Variants in AOX1 observed in about 807,000 individuals in gnomAD.
AOX1 encodes aldehyde oxidase 1, also known as aldehyde oxidase.
AOX1 carries 153 observed loss-of-function variants against 169.5 expected under a neutral mutation model. The ratio of observed to expected loss-of-function variants is 0.90; its 90% CI spans 0.79 to 1.03. The LOEUF (loss-of-function observed/expected upper bound fraction) is 1.03, where lower values mean the gene tolerates loss of function less well. Ranked by LOEUF, AOX1 falls within the 50% of genes least tolerant of loss-of-function variation. The probability of loss-of-function intolerance (pLI) is 0.00; values close to 1 mark genes in which losing one functional copy is unlikely to be tolerated. For missense variants in AOX1, 1,656 were observed against 1,663.9 expected, an observed-to-expected ratio of 1.00 and a Z score of 0.08; for synonymous variants, 562 against 581.9, an observed-to-expected ratio of 0.97 and a Z score of 0.49.
chr2:200,622,254 C>A (rs1289269613), intron 18 of AOX1, among the ~76,000 whole-genome samples: 1 of 152,200 alleles, frequency 6.6e-6, no homozygotes, highest in Non-Finnish European at 1.5e-5. Flanking sequence ...TGAGTGAGGA[C>A]CCATGTCTGA....
intron 34 of AOX1, 73 bp from the exon 35 acceptor site, chr2:200,670,556 T>C: frequency 7.5e-7 from 1 of 1,333,812 alleles, no homozygotes; most frequent in Non-Finnish European, 1.1e-6. Context: ...TAACCTACTT[T>C]ATGTTCTTCT....
intron 20 of AOX1, among the ~76,000 whole-genome samples, chr2:200,630,055 AC>A (rs1553572476): frequency 6.6e-6 from 1 of 152,026 alleles, no homozygotes; most frequent in Non-Finnish European, 1.5e-5. Flanking sequence ...AACCTGGTCA[AC>A]GTAGCAAGAT....
intron 25 of AOX1, among the ~76,000 whole-genome samples, chr2:200,646,992 A>G (rs146571701): frequency 6.4e-4 from 98 of 152,204 alleles, no homozygotes; most frequent in Non-Finnish European, 8.5e-4. Flanking sequence ...GGGAACAGAT[A>G]GTTGGTTGGT....
intron 19 of AOX1, among the ~76,000 whole-genome samples, chr2:200,625,446 A>G (rs1372212154): frequency 2.6e-5 from 4 of 152,140 alleles, no homozygotes; most frequent in African/African-American, 9.7e-5. Flanking sequence ...TCACCACTTC[A>G]ACCAGCAGAC....
chr2:200,613,778 A>G (rs35020940), intron 14 of AOX1, 26 bp from the exon 15 acceptor site: 3 of 1,604,972 alleles, frequency 1.9e-6, no homozygotes, highest in East Asian at 2.2e-5. Context: ...CTGTCAGGCT[A>G]GGAGTCTTCT....
At chr2:200,675,917 G>A (rs2036091608), downstream of AOX1, among the ~76,000 whole-genome samples, 1 of 146,356 alleles carries the variant, frequency 6.8e-6, no homozygotes, top group Non-Finnish European at 1.5e-5. Context: ...GGCAAATACT[G>A]CAATTACCTT....
intron 25 of AOX1, among the ~76,000 whole-genome samples, chr2:200,643,647 G>C (rs2035399468): frequency 6.6e-6 from 1 of 152,122 alleles, no homozygotes; most frequent in Non-Finnish European, 1.5e-5. Context: ...GTCTTCCATA[G>C]TGGCTGTACT....
rs761027962 is a variant in AOX1, at chr2:200,611,902, G to A, written c.1263+409G>A. 5.3e-5 allele frequency among the ~76,000 whole-genome samples: 8 copies of A among 151,666 alleles called. No individual in the cohort carries two copies. In the East Asian group the frequency reaches 1.2e-3, roughly 22 times the overall value. On this transcript the variant is annotated intron_variant, in intron 13 of 34. Transcript: ENST00000374700. ...GCATTTTTAGTAGAGACGGGGTTTC[G>A]CCAAGTTGGCCAAGCTGGTCTGGAA...
At chr2:200,603,396 C>T in intron 7 of AOX1, 40 bp downstream of exon 7, 1 of 1,515,764 alleles carries the variant, frequency 6.6e-7, no homozygotes, top group Non-Finnish European at 9.2e-7. Flanking sequence ...TTTCTCAGGA[C>T]ATGAACAGGA....
chr2:200,657,076 C>A, intron 27 of AOX1, 139 bp downstream of exon 27: 1 of 432,126 alleles, frequency 2.3e-6, no homozygotes, highest in South Asian at 1.1e-4. Flanking sequence ...GTAATCCCAG[C>A]ATTTTGGGAG....
chr2:200,640,053 A>AG (rs1194277782), intron 23 of AOX1, among the ~76,000 whole-genome samples: 104 of 150,446 alleles, frequency 6.9e-4, no homozygotes, highest in African/African-American at 1.2e-3. Flanking sequence ...AAAAAAAAAA[A>AG]AGAATGGATA....
intron 34 of AOX1, 137 bp from the exon 35 acceptor site, chr2:200,670,492 C>G (rs1369811034): frequency 5.7e-6 from 4 of 699,468 alleles, no homozygotes; most frequent in Non-Finnish European, 1.0e-5. Flanking sequence ...CTCTATACTT[C>G]ACAGGCTGTT....
At chr2:200,668,939 T>C (rs1388696395) in intron 33 of AOX1, 136 bp downstream of exon 33, 2 of 727,006 alleles carry the variant, frequency 2.8e-6, no homozygotes, top group Non-Finnish European at 4.4e-6. Flanking sequence ...ACATTTTAAT[T>C]CTAATCTAAC....
At chr2:200,602,496 G>T in intron 6 of AOX1, 151 bp downstream of exon 6, 1 of 699,792 alleles carries the variant, frequency 1.4e-6, no homozygotes, top group South Asian at 1.9e-5. Flanking sequence ...TTGATCTTGA[G>T]CAGGGCACTT....
chr2:200,659,582 G>A (rs190106874), intron 28 of AOX1, among the ~76,000 whole-genome samples: 8 of 152,206 alleles, frequency 5.3e-5, no homozygotes, highest in Non-Finnish European at 1.0e-4. Flanking sequence ...ACAGGCTCGC[G>A]CCTCTCCCCA....
intron 26 of AOX1, among the ~76,000 whole-genome samples, chr2:200,655,369 T>C (rs1409292788): frequency 6.6e-6 from 1 of 152,126 alleles, no homozygotes; most frequent in African/African-American, 2.4e-5. Flanking sequence ...CTGGGCTCTC[T>C]GTAGAGGAAA....
chr2:200,665,568 A>G (rs2105774643), intron 31 of AOX1, among the ~76,000 whole-genome samples: 1 of 152,228 alleles, frequency 6.6e-6, no homozygotes, highest in Admixed American at 6.5e-5. Flanking sequence ...AGTAGCTGGG[A>G]CTACAGGCAC....
intron 4 of AOX1, 114 bp from the exon 5 acceptor site, chr2:200,599,506 C>T (rs2034357323): frequency 2.4e-6 from 2 of 838,360 alleles, no homozygotes; most frequent in Non-Finnish European, 3.6e-6. Context: ...GCCTCTGCTG[C>T]AATCTTAACA....
At chr2:200,637,611 A>T (rs1228385811) in intron 22 of AOX1, among the ~76,000 whole-genome samples, 1 of 152,038 alleles carries the variant, frequency 6.6e-6, no homozygotes, top group African/African-American at 2.4e-5. Flanking sequence ...GTATGTATAT[A>T]TGTGTATATA....
Sources: allele counts gnomAD v4.1 joint callset (sites outside exome capture counted in the v4.1 genomes callset), GRCh38; gene constraint gnomAD v4.1.1; transcripts MANE v1.5; gene names NCBI Gene and HGNC (gene_info 2026-07-23, HGNC 2026-07-21).